CDKL1: variants seen among roughly 807,000 people sequenced by gnomAD.
CDKL1 encodes the protein cyclin dependent kinase like 1.
In CDKL1, 41 loss-of-function variants were observed where a neutral mutation model predicts 42.0. The ratio of observed to expected loss-of-function variants is 0.98; its 90% CI spans 0.76 to 1.27. The LOEUF (loss-of-function observed/expected upper bound fraction) is 1.27, where lower values mean the gene tolerates loss of function less well. CDKL1 is among the 50% of genes most tolerant of loss of function. The pLI is 0.00. For synonymous variants in CDKL1, 153 were observed against 158.6 expected, an observed-to-expected ratio of 0.96 and a Z score of 0.26; for missense variants, 394 against 428.4, an observed-to-expected ratio of 0.92 and a Z score of 0.71.
chr14:50,367,677 A>T (rs1379489723), intron 2 of CDKL1, among the ~76,000 whole-genome samples: 1 of 152,190 alleles, frequency 6.6e-6, no homozygotes, highest in Admixed American at 6.5e-5. Flanking sequence ...ATATACCACA[A>T]AGATGTTTGG....
chr14:50,348,230 C>T (rs1298111262), intron 3 of CDKL1, among the ~76,000 whole-genome samples: 4 of 152,260 alleles, frequency 2.6e-5, no homozygotes, highest in African/African-American at 4.8e-5. Flanking sequence ...TCAAAAGGCT[C>T]GGGAAGTAGC....
chr14:50,367,963 A>G (rs183017289), intron 2 of CDKL1, among the ~76,000 whole-genome samples: 3 of 152,132 alleles, frequency 2.0e-5, no homozygotes, highest in African/African-American at 7.2e-5. Context: ...TTTTCAAATT[A>G]TTATTACTTT....
chr14:50,368,886 A>G (rs796366568), intron 2 of CDKL1, among the ~76,000 whole-genome samples: 293 of 110,400 alleles, frequency 2.7e-3, no homozygotes, highest in African/African-American at 9.6e-3. Flanking sequence ...TTTTTTTTTT[A>G]GATGGAGTCT....
intron 5 of CDKL1, 46 bp downstream of exon 5, chr14:50,342,086 A>C: frequency 6.7e-7 from 1 of 1,485,726 alleles, no homozygotes; most frequent in Non-Finnish European, 9.4e-7. Flanking sequence ...TGTATCAAGA[A>C]CTTTTTCATT....
chr14:50,349,742 TTTG>T (rs138022916), intron 3 of CDKL1, among the ~76,000 whole-genome samples: 105,737 of 151,342 alleles, frequency 0.7, 37,855 homozygotes, highest in African/African-American at 0.87. Flanking sequence ...CTCTTGTCTT[TTTG>T]TTGTTGTTGT....
chr14:50,343,192 T>C (rs982554530), intron 4 of CDKL1: 13 of 376,372 alleles, frequency 3.5e-5, no homozygotes, highest in Non-Finnish European at 5.4e-5. Context: ...GTCAAAATAC[T>C]GCTCAGGGTC....
rs759414513 is a variant in CDKL1, at chr14:50,395,801, T to C, written c.68A>G (p.Asn23Ser). The change falls in exon 2 of 10, where the codon AAC becomes AGC. Residue 23 changes from asparagine to serine, a missense_variant. Transcript: ENST00000395834. The stretch of plus-strand genomic sequence containing the variant: ...GGCCACAATCTGACCCGTGTCCCTG[T>C]TTCTACATTTGAAAACAACTCCATA... ...GSYGVVFKCR[N>S]RDTGQIVAIK... The C allele has an allele frequency of 1.9e-5, 31 of 1,613,380 alleles. No homozygotes were observed. The South Asian group carries it at 3.1e-4, about 16-fold the overall frequency.
intron 2 of CDKL1, chr14:50,362,351 G>A (rs1419509619): frequency 3.3e-6 from 1 of 307,390 alleles, no homozygotes. Flanking sequence ...GAGGCCAGCT[G>A]GGCTCCTGAG....
Position 50,330,061 on chromosome 14 carries a change from T to A in CDKL1, c.*13A>T. On this transcript the variant is annotated 3_prime_UTR_variant, in exon 10 of 10. Transcript: ENST00000395834. ...TATTGATTCCTTTTTTAAAATCATG[T>A]CTCCTAGCTCCTTTAAATGTTTGGA... 1 of 1,602,938 alleles carries A rather than the reference T, an allele frequency of 6.2e-7. No individual in the cohort carries two copies. The highest frequency in any genetic ancestry group is 1.1e-5 in the South Asian group (1 of 88,028).
intron 7 of CDKL1, chr14:50,335,919 G>T: frequency 7.8e-7 from 1 of 1,287,144 alleles, no homozygotes; most frequent in East Asian, 5.0e-5. Flanking sequence ...ATGTCAACAG[G>T]AGAAAAAAAA....
intron 7 of CDKL1, chr14:50,336,119 C>A (rs756516578): frequency 2.3e-5 from 31 of 1,365,748 alleles, no homozygotes; most frequent in Non-Finnish European, 3.0e-5. Context: ...CTGGATGAGG[C>A]CAACTGGTTG....
intron 5 of CDKL1, 107 bp from the exon 6 acceptor site, chr14:50,341,339 A>G (rs929474887): frequency 2.8e-6 from 4 of 1,409,908 alleles, no homozygotes; most frequent in African/African-American, 1.4e-5. Flanking sequence ...TGGCCTTTCT[A>G]TATCGCTGGT....
rs2032808050 is a variant in CDKL1 at position 50,329,023 on chromosome 14, G to A, written c.*1051C>T. On this transcript the variant is annotated 3_prime_UTR_variant, in exon 10 of 10. Transcript: ENST00000395834. ...TTGGACTACTTAGTGTAATATATTA[G>A]TTGTTAGAATAGCATATATATATAT... 1.5e-5 allele frequency: 2 copies of A among 135,906 alleles called. No homozygotes were observed. Among genetic ancestry groups the A allele is most frequent in the Admixed American group, 1.6e-4 (2 of 12,830 alleles). 8.4% of individuals were successfully genotyped at this position (135,906 alleles called of 1,614,324 possible). A position where few individuals can be genotyped will look rare whatever the true frequency, so the allele number is the denominator to read the frequency against.
chr14:50,390,023 T>C (rs2035207088), intron 2 of CDKL1: 4 of 580,302 alleles, frequency 6.9e-6, no homozygotes, highest in Non-Finnish European at 1.3e-5. Flanking sequence ...TTGTTATTAG[T>C]GTAACGATAT....
At chr14:50,339,111 G>C in intron 6 of CDKL1, 82 bp from the exon 7 acceptor site, 1 of 991,892 alleles carries the variant, frequency 1.0e-6, no homozygotes, top group Non-Finnish European at 1.6e-6. Flanking sequence ...TGCTGTGTTT[G>C]TCTGTGCCCA....
At chr14:50,386,413 A>T (rs1041860247) in intron 2 of CDKL1, among the ~76,000 whole-genome samples, 1 of 152,190 alleles carries the variant, frequency 6.6e-6, no homozygotes, top group Admixed American at 6.5e-5. Context: ...CAGCCTGGGC[A>T]ACAGAGTGAG....
At chr14:50,390,824 C>T (rs1051483668) in intron 2 of CDKL1, among the ~76,000 whole-genome samples, 3 of 152,122 alleles carry the variant, frequency 2.0e-5, no homozygotes, top group African/African-American at 7.2e-5. Flanking sequence ...GCCCATCATG[C>T]CTGACTTCTT....
rs1323081708 is a variant in CDKL1, at chr14:50,328,925, AC to A, written c.*1148del. On this transcript the variant is annotated 3_prime_UTR_variant, in exon 10 of 10. Transcript: ENST00000395834. ...CAGGTTTTATATATATATATAAAAA[AC>A]ACATATATATATATGTGTGTGTGTG... 3.0e-5 allele frequency: 3 copies of A among 98,474 alleles called. No homozygotes were observed. The highest frequency in any genetic ancestry group is 1.1e-4 in the African/African-American group (3 of 26,572). The allele number at this position is 98,474 out of a possible 1,614,324, so 6.1% of individuals were successfully genotyped here.
intron 9 of CDKL1, chr14:50,330,905 G>A (rs2032901336): frequency 6.6e-6 from 1 of 151,244 alleles, no homozygotes; most frequent in East Asian, 1.9e-4. Context: ...GTGCTTTTTA[G>A]TACTTTTAAA....
Sources: allele counts gnomAD v4.1 joint callset (sites outside exome capture counted in the v4.1 genomes callset), GRCh38; gene constraint gnomAD v4.1.1; transcripts MANE v1.5; gene names NCBI Gene and HGNC (gene_info 2026-07-23, HGNC 2026-07-21).